ANK2: variants seen among roughly 807,000 people sequenced by gnomAD.
ANK2 encodes the protein ankyrin-2.
Under a neutral mutation model 360.5 loss-of-function variants are expected in ANK2, and 83 were observed. That is an observed-to-expected ratio of 0.23 (90% CI 0.19 to 0.28). The LOEUF is 0.28. Ranked by LOEUF, ANK2 falls within the 10% of genes least tolerant of loss-of-function variation. ANK2 has a pLI of 1.00. For synonymous variants in ANK2, 1,740 were observed against 1,759.5 expected (o/e 0.99, Z 0.28); for missense variants, 4,201 against 4,795.7 (o/e 0.88, Z 3.66).
intron 22 of ANK2, among the ~76,000 whole-genome samples, chr4:113,301,156 A>AT (rs964955218): frequency 1.6e-4 from 24 of 151,378 alleles, no homozygotes; most frequent in Admixed American, 1.2e-3. Context: ...CAAGGGATTC[A>AT]TTTTTTTTTA....
intron 1 of ANK2, among the ~76,000 whole-genome samples, chr4:113,086,535 T>C (rs2084868013): frequency 6.6e-6 from 1 of 152,216 alleles, no homozygotes; most frequent in South Asian, 2.1e-4. Flanking sequence ...ACAAAGTCCA[T>C]GCCCTTGTGG....
At chr4:112,913,532 A>G (rs1247430037) in intron 2 of ANK2, among the ~76,000 whole-genome samples, 1 of 152,230 alleles carries the variant, frequency 6.6e-6, no homozygotes, top group Non-Finnish European at 1.5e-5. Context: ...TTTGAATAAT[A>G]CATTTTGAAA....
At chr4:113,086,322 A>G (rs1385514304) in intron 1 of ANK2, among the ~76,000 whole-genome samples, 1 of 152,234 alleles carries the variant, frequency 6.6e-6, no homozygotes, top group Non-Finnish European at 1.5e-5. Context: ...CAACACAATT[A>G]AAAATTCGAA....
At chr4:113,381,321 T>C (rs1564251813) in intron 45 of ANK2, 136 bp from the exon 46 acceptor site, 2 of 902,266 alleles carry the variant, frequency 2.2e-6, no homozygotes, top group East Asian at 5.0e-5. Context: ...GTCTATAGTT[T>C]GTTATGCTAA....
At chr4:113,091,897 T>C (rs2088409010) in intron 1 of ANK2, among the ~76,000 whole-genome samples, 1 of 152,212 alleles carries the variant, frequency 6.6e-6, no homozygotes, top group African/African-American at 2.4e-5. Flanking sequence ...TTCACAAAGG[T>C]CTTTTTTTCA....
At chr4:113,320,441 C>T (rs534569684) in intron 26 of ANK2, among the ~76,000 whole-genome samples, 52 of 152,242 alleles carry the variant, frequency 3.4e-4, no homozygotes, top group Non-Finnish European at 6.2e-4. Flanking sequence ...ATCATGAGGT[C>T]AGGGGTTTGA....
intron 1 of ANK2, among the ~76,000 whole-genome samples, chr4:112,901,593 G>A (rs994872977): frequency 6.6e-6 from 1 of 152,140 alleles, no homozygotes; most frequent in African/African-American, 2.4e-5. Context: ...CCCAGCCATG[G>A]TGGCTCTGCC....
chr4:112,900,508 TGATA>T (rs2083007859), intron 1 of ANK2, among the ~76,000 whole-genome samples: 1 of 152,130 alleles, frequency 6.6e-6, no homozygotes, highest in African/African-American at 2.4e-5. Flanking sequence ...ATGTATTTCT[TGATA>T]GACACGGGGG....
At chr4:113,160,308 C>T (rs1364303498) in intron 1 of ANK2, 3 of 412,628 alleles carry the variant, frequency 7.3e-6, no homozygotes, top group Non-Finnish European at 1.4e-5. Context: ...TCAAGTGATC[C>T]TCTTGCTTCA....
chr4:112,815,170 C>T (rs1427572126), upstream of ANK2, among the ~76,000 whole-genome samples: 1 of 152,090 alleles, frequency 6.6e-6, no homozygotes, highest in Non-Finnish European at 1.5e-5. Flanking sequence ...TGCAAGCCAC[C>T]ACCACTGGCG....
intron 1 of ANK2, among the ~76,000 whole-genome samples, chr4:113,077,319 C>T (rs1360293726): frequency 6.6e-6 from 1 of 151,948 alleles, no homozygotes; most frequent in East Asian, 1.9e-4. Flanking sequence ...AAAAACAACA[C>T]AATGTAAATT....
the ANK2 span, among the ~76,000 whole-genome samples, chr4:112,807,833 T>A: frequency 6.6e-6 from 1 of 152,236 alleles, no homozygotes; most frequent in Non-Finnish European, 1.5e-5. Flanking sequence ...TTTGTCAGAC[T>A]GTGGATGAGA....
chr4:113,211,239 G>C (rs901951159), intron 4 of ANK2, among the ~76,000 whole-genome samples: 1 of 152,272 alleles, frequency 6.6e-6, no homozygotes, highest in South Asian at 2.1e-4. Flanking sequence ...ACAATGTATC[G>C]AGCTAATGAT....
intron 2 of ANK2, among the ~76,000 whole-genome samples, chr4:112,995,921 G>C (rs964105169): frequency 1.3e-5 from 2 of 152,126 alleles, no homozygotes; most frequent in African/African-American, 4.8e-5. Flanking sequence ...GCACTTTGGA[G>C]AACCATTCAG....
chr4:113,165,886 T>G (rs184097150), intron 1 of ANK2, among the ~76,000 whole-genome samples: 2 of 152,264 alleles, frequency 1.3e-5, no homozygotes, highest in Non-Finnish European at 1.5e-5. Context: ...TAATCTGACA[T>G]CTGACCTAAA....
intron 1 of ANK2, among the ~76,000 whole-genome samples, chr4:112,856,775 G>T (rs1388075775): frequency 6.6e-6 from 1 of 152,242 alleles, no homozygotes; most frequent in African/African-American, 2.4e-5. Context: ...ATACTTGCTA[G>T]AATGGTAAGG....
intron 37 of ANK2, among the ~76,000 whole-genome samples, chr4:113,352,242 C>G (rs2095458748): frequency 6.6e-6 from 1 of 152,194 alleles, no homozygotes; most frequent in African/African-American, 2.4e-5. Context: ...CCATGCATCA[C>G]ATTTTAACTT....
Position 113,369,802 on chromosome 4 carries a change from A to G in ANK2, c.11607A>G (p.Glu3869=). The change falls in exon 43 of 46, where the codon GAA becomes GAG. Residue 3869 remains glutamate (E), a synonymous_variant. Coordinates refer to ENST00000357077, the MANE Select transcript of ANK2 (RefSeq NM_001148.6). ...GACTCGATGAAGATGCAGCTTTTGAAAAGGTAAGACATTCCTCTCCACTTT... is the reference window on the plus strand; with the variant it reads ...GACTCGATGAAGATGCAGCTTTTGAGAAGGTAAGACATTCCTCTCCACTTT... The part of the protein sequence containing the change: ...CERLDEDAAF[E]KGDDMPEIPP... 6.2e-7 allele frequency: 1 copy of G among 1,614,076 alleles called. No homozygotes were observed. The highest frequency in any genetic ancestry group is 8.5e-7 in the Non-Finnish European group (1 of 1,180,006).
chr4:113,347,460 G>C (rs1249670781), intron 35 of ANK2, among the ~76,000 whole-genome samples: 3 of 152,140 alleles, frequency 2.0e-5, no homozygotes, highest in Non-Finnish European at 4.4e-5. Context: ...CAAGCCACCT[G>C]AGTGTTAAAG....
Sources: gnomAD v4.1 joint callset for allele counts (sites outside exome capture counted in the v4.1 genomes callset) on GRCh38, gnomAD v4.1.1 for gene constraint, MANE v1.5 for transcripts, NCBI Gene and HGNC (gene_info 2026-07-23, HGNC 2026-07-21) for gene names.